Variants in KIAA1549L observed in about 807,000 individuals in gnomAD.
The protein encoded by KIAA1549L is UPF0606 protein KIAA1549L.
A neutral mutation model predicts 160.7 loss-of-function variants in KIAA1549L; 88 were observed. The observed-to-expected ratio is 0.55, with a 90% CI of 0.46 to 0.65. The LOEUF is 0.65. Ranked by LOEUF, KIAA1549L falls within the 30% of genes least tolerant of loss-of-function variation. The probability of loss-of-function intolerance (pLI) is 0.00; values close to 1 mark genes in which losing one functional copy is unlikely to be tolerated. For synonymous variants in KIAA1549L, 950 were observed against 976.7 expected (o/e 0.97, Z 0.51); for missense variants, 2,258 against 2,437.5 (o/e 0.93, Z 1.55).
chr11:33,555,636 C>T (rs1171226675), intron 6 of KIAA1549L, among the ~76,000 whole-genome samples: 1 of 152,190 alleles, frequency 6.6e-6, no homozygotes, highest in East Asian at 1.9e-4. Flanking sequence ...TGGATCCTTA[C>T]TTAACACCAT....
intron 1 of KIAA1549L, among the ~76,000 whole-genome samples, chr11:33,516,015 G>A (rs1461767256): frequency 6.6e-6 from 1 of 152,110 alleles, no homozygotes; most frequent in African/African-American, 2.4e-5. Context: ...CTGCCATTCT[G>A]TACTACAGCA....
At position 33,542,474 on chromosome 11, in the gene KIAA1549L, A is replaced by G. The variant is rs528961135; in HGVS notation, c.911A>G (p.Gln304Arg). Residue 304 changes from glutamine to arginine, a missense_variant, in exon 2 of 21, where the codon CAA (glutamine) becomes CGA (arginine). By Grantham distance (43) the Gln-to-Arg change is conservative. Around this residue, in one of 6 missense-constraint regions of KIAA1549L, gnomAD observed 540 missense variants for 465.7 expected, o/e 1.16. Coordinates refer to ENST00000658780, the MANE Select transcript of KIAA1549L (RefSeq NM_012194.3). ...GATGAAATGGACCACACTGCATCCC[A>G]AAATGCCCAGGATCTCATAGGCATC... ...FSDEMDHTAS[Q>R]NAQDLIGIPH... is the part of the protein sequence containing the mutation. 1 of 1,612,878 alleles carries G rather than the reference A, an allele frequency of 6.2e-7. No homozygotes were observed. The highest frequency in any genetic ancestry group is 1.7e-5 in the Admixed American group (1 of 59,966).
Position 33,598,910 on chromosome 11 carries a change from G to A in KIAA1549L, c.4842G>A (p.Gln1614=). The change falls in exon 13 of 21, where the codon CAG becomes CAA. Residue 1614 remains glutamine (Q), a synonymous_variant. Coordinates refer to ENST00000658780, the MANE Select transcript of KIAA1549L (RefSeq NM_012194.3). ...GCTCACCCCAGAATGTAATGGCACA[G>A]CAGAAAGTGACAAAGGAGGAGGCAA... ...GRRSPQNVMA[Q]QKVTKEEARK... 1 of 1,613,782 alleles carries A rather than the reference G, an allele frequency of 6.2e-7. No homozygotes were observed. Among genetic ancestry groups the A allele is most frequent in the Non-Finnish European group, 8.5e-7 (1 of 1,179,794 alleles).
In KIAA1549L at chr11:33,656,099, T is replaced by A; in HGVS notation, c.5848T>A (p.Ser1950Thr). The A allele has an allele frequency of 6.2e-7, 1 of 1,612,620 alleles. No homozygotes were observed. Among genetic ancestry groups the A allele is most frequent in the Non-Finnish European group, 8.5e-7 (1 of 1,178,774 alleles). The change falls in exon 18 of 21, where the codon TCT (serine) becomes ACT (threonine). Residue 1950 changes from serine to threonine, a missense_variant. Ser to Thr is a moderately conservative substitution (Grantham distance 58). Around this residue, in one of 6 missense-constraint regions of KIAA1549L, gnomAD observed 1,359 missense variants for 1,546.6 expected, o/e 0.88. Coordinates refer to ENST00000658780, the MANE Select transcript of KIAA1549L (RefSeq NM_012194.3). The part of the protein sequence containing the change: ...PPRTGPVAVA[S>T]LRRSTSDIGS... ...CCGGACTGGTCCTGTGGCTGTCGCT[T>A]CTCTCAGGCGGTAACACGTTCCTTT... is the stretch of plus-strand genomic sequence containing the variant.
intron 1 of KIAA1549L, among the ~76,000 whole-genome samples, chr11:33,501,469 T>C (rs1852946988): frequency 6.6e-6 from 1 of 152,202 alleles, no homozygotes; most frequent in African/African-American, 2.4e-5. Flanking sequence ...TACTATTTGT[T>C]GAGTCTTCTA....
In KIAA1549L at chr11:33,559,911, C is replaced by T. The variant is rs770001779; in HGVS notation, c.4018C>T (p.Pro1340Ser). 62 of 1,613,664 alleles carry T rather than the reference C, an allele frequency of 3.8e-5. No homozygotes were observed. Among genetic ancestry groups the T allele is most frequent in the East Asian group, 8.9e-5 (4 of 44,888 alleles). The change falls in exon 7 of 21, where the codon CCA (proline) becomes TCA (serine). Residue 1340 changes from proline to serine, a missense_variant and splice_region_variant. Pro to Ser is a moderately conservative substitution (Grantham distance 74, BLOSUM62 -1). Transcript: ENST00000658780. The part of the protein sequence containing the change: ...LTYPPLTIAE[P>S]LEYPNLDISE... Reference sequence around the variant, plus strand: ...CTATCCGCCGCTAACCATTGCTGAACGTGAGTATGGCCATGCCTATGGGGA... The same window carrying T: ...CTATCCGCCGCTAACCATTGCTGAATGTGAGTATGGCCATGCCTATGGGGA...
intron 1 of KIAA1549L, among the ~76,000 whole-genome samples, chr11:33,458,991 G>A (rs1851885593): frequency 6.6e-6 from 1 of 152,188 alleles, no homozygotes; most frequent in Non-Finnish European, 1.5e-5. Context: ...GGAGTTTCAA[G>A]CTTTTAAATA....
At chr11:33,615,242 C>T (rs796881201) in intron 15 of KIAA1549L, among the ~76,000 whole-genome samples, 1 of 152,098 alleles carries the variant, frequency 6.6e-6, no homozygotes, top group Non-Finnish European at 1.5e-5. Context: ...GCTGGGCCTC[C>T]TCCCGCTCCT....
rs140985762 is a variant in KIAA1549L, at chr11:33,621,937, A to G, written c.5409+3275A>G. Among the ~76,000 whole-genome samples, 9 of 152,350 alleles carry G rather than the reference A, an allele frequency of 5.9e-5. No individual in the cohort carries two copies. The East Asian group carries it at 1.5e-3, about 26-fold the overall frequency. On this transcript the variant is annotated intron_variant, in intron 16 of 20. Transcript: ENST00000658780. ...TTATTGTTTGAATTATAACTTTGAAAATGAATGAAGTAGGGACTTTTACAA... is the reference window on the plus strand; with the variant it reads ...TTATTGTTTGAATTATAACTTTGAAGATGAATGAAGTAGGGACTTTTACAA...
intron 17 of KIAA1549L, among the ~76,000 whole-genome samples, chr11:33,653,213 G>A (rs547496099): frequency 9.2e-5 from 14 of 152,294 alleles, no homozygotes; most frequent in South Asian, 2.1e-4. Context: ...TGCACTCCAA[G>A]GCATTTAGGA....
At position 33,561,687 on chromosome 11, in the gene KIAA1549L, C is replaced by A; in HGVS notation, c.4030C>A (p.Pro1344Thr). The change falls in exon 8 of 21, where the codon CCC (proline) becomes ACC (threonine). Residue 1344 changes from proline (P) to threonine (T), a missense_variant. Physicochemically the swap from Pro to Thr is conservative, Grantham distance 38. Coordinates refer to ENST00000658780, the MANE Select transcript of KIAA1549L (RefSeq NM_012194.3). ...PLTIAEPLEY[P>T]NLDISETTRD... ...CTTATTTGTTTTAGCACTGGAATAT[C>A]CCAACCTTGACATATCAGAAACAAC... 1.2e-6 allele frequency: 2 copies of A among 1,608,668 alleles called. No individual in the cohort carries two copies. The highest frequency in any genetic ancestry group is 2.2e-5 in the South Asian group (2 of 90,916).
Position 33,651,506 on chromosome 11 carries a change from G to A in KIAA1549L, c.5761-4506G>A, listed in dbSNP as rs567592715. Among the ~76,000 whole-genome samples the A allele has an allele frequency of 1.1e-4, 16 of 150,580 alleles. No homozygotes were observed. In the South Asian group the frequency reaches 2.3e-3, roughly 22 times the overall value. On this transcript the variant is annotated intron_variant, in intron 17 of 20. Coordinates refer to ENST00000658780, the MANE Select transcript of KIAA1549L (RefSeq NM_012194.3). ...AGTCTTTTGTGCCTCCTTCTTCCCT[G>A]GGACAGGGAAAGGGCCCTAGATTCG...
intron 16 of KIAA1549L, among the ~76,000 whole-genome samples, chr11:33,640,109 CAT>C (rs1486506159): frequency 2.6e-5 from 4 of 151,474 alleles, no homozygotes; most frequent in African/African-American, 9.8e-5. Context: ...TTTATGCCTG[CAT>C]ATATGTGTGT....
intron 13 of KIAA1549L, among the ~76,000 whole-genome samples, chr11:33,604,688 A>G (rs1850451458): frequency 6.6e-6 from 1 of 152,224 alleles, no homozygotes; most frequent in Non-Finnish European, 1.5e-5. Context: ...ATTCTAAGTG[A>G]AGTAACTCAG....
At chr11:33,384,137 C>G (rs577545326) in intron 1 of KIAA1549L, among the ~76,000 whole-genome samples, 3 of 152,282 alleles carry the variant, frequency 2.0e-5, no homozygotes, top group Admixed American at 6.5e-5. Flanking sequence ...TAATCCACTC[C>G]CCCAACACAC....
chr11:33,416,348 G>A (rs1850888967), intron 1 of KIAA1549L, among the ~76,000 whole-genome samples: 1 of 151,826 alleles, frequency 6.6e-6, no homozygotes, highest in African/African-American at 2.4e-5. Flanking sequence ...TTCCATTCCC[G>A]AACAGCTCTT....
intron 1 of KIAA1549L, among the ~76,000 whole-genome samples, chr11:33,479,452 C>G (rs1359100874): frequency 6.6e-6 from 1 of 152,124 alleles, no homozygotes; most frequent in African/African-American, 2.4e-5. Context: ...AATAGCCAAC[C>G]AAAATATAAG....
In KIAA1549L at chr11:33,585,146, C is replaced by T. The variant is rs377643926; in HGVS notation, c.4566+1645C>T. ...GTTTCAGTTGACACAAAGGCACCTG[C>T]TTCCCAGACACAGCAGGATGTTGGT... On this transcript the variant is annotated intron_variant, in intron 11 of 20. Coordinates refer to ENST00000658780, the MANE Select transcript of KIAA1549L (RefSeq NM_012194.3). Among the ~76,000 whole-genome samples the T allele has an allele frequency of 2.6e-5, 4 of 152,232 alleles. No homozygotes were observed. In the South Asian group the frequency reaches 6.2e-4, roughly 24 times the overall value.
At chr11:33,447,790 C>T (rs772363647) in intron 1 of KIAA1549L, among the ~76,000 whole-genome samples, 4 of 151,864 alleles carry the variant, frequency 2.6e-5, no homozygotes, top group Admixed American at 6.6e-5. Context: ...GTCATTTTAC[C>T]CTTAGTACCT....
Sources: gnomAD v4.1 joint callset for allele counts (sites outside exome capture counted in the v4.1 genomes callset) on GRCh38, gnomAD v4.1.1 for gene constraint, gnomAD v4.1.1 regional missense constraint, MANE v1.5 for transcripts, NCBI Gene and HGNC (gene_info 2026-07-23, HGNC 2026-07-21) for gene names.